MED18: variants seen among roughly 807,000 people sequenced by gnomAD.
MED18 encodes mediator of RNA polymerase II transcription subunit 18.
Under a neutral mutation model 13.9 loss-of-function variants are expected in MED18, and 10 were observed. That is an observed-to-expected ratio of 0.72 (90% confidence interval 0.44 to 1.22). MED18 has a LOEUF of 1.22. MED18 is among the 50% of genes most tolerant of loss of function. The pLI, the probability that MED18 is intolerant of heterozygous loss-of-function variation, is 0.00. For missense variants in MED18, 216 were observed against 279.0 expected (o/e 0.77, Z 1.61); for synonymous variants, 88 against 93.2 (o/e 0.94, Z 0.32).
In MED18 at chr1:28,334,551, C is replaced by G; in HGVS notation, c.208C>G (p.Leu70Val). ...GGGCCAGCAAGCCAGCCCATTTGTT[C>G]TCAGGGCCCGACGCTCTATGGACAG... Reference protein sequence around the residue: ...LKGQQASPFVLRARRSMDRAG... With the variant: ...LKGQQASPFVVRARRSMDRAG... The change falls in exon 3 of 3, where the codon CTC becomes GTC. Residue 70 changes from leucine to valine, a missense_variant. Coordinates refer to ENST00000373842, the MANE Select transcript of MED18 (RefSeq NM_017638.3). 2 of 1,614,140 alleles carry G rather than the reference C, an allele frequency of 1.2e-6. No individual in the cohort carries two copies. The highest frequency in any genetic ancestry group is 1.7e-6 in the Non-Finnish European group (2 of 1,180,024).
At chr1:28,329,941 T>C (rs1297615715) in intron 1 of MED18, among the ~76,000 whole-genome samples, 2 of 152,160 alleles carry the variant, frequency 1.3e-5, no homozygotes, top group Admixed American at 1.3e-4. Flanking sequence ...CTCTTTATTA[T>C]CTCGTTTGAG....
intron 2 of MED18, 164 bp downstream of exon 2, chr1:28,330,899 A>G (rs1649700738): frequency 2.2e-6 from 1 of 458,958 alleles, no homozygotes; most frequent in African/African-American, 2.1e-5. Flanking sequence ...AACATACTAA[A>G]TTTGCCATCT....
intron 1 of MED18, among the ~76,000 whole-genome samples, chr1:28,329,977 C>T (rs1649654219): frequency 1.3e-5 from 2 of 152,020 alleles, no homozygotes; most frequent in African/African-American, 4.8e-5. Flanking sequence ...AGTTAAAAAT[C>T]ACTGGCCTTT....
chr1:28,333,677 T>C (rs1416641389), intron 2 of MED18, among the ~76,000 whole-genome samples: 1 of 152,060 alleles, frequency 6.6e-6, no homozygotes, highest in Admixed American at 6.6e-5. Flanking sequence ...CTGGCCAACA[T>C]GGTGAAACCC....
chr1:28,335,095 G>A lies in MED18; in HGVS notation c.*125G>A. 1 of 908,738 alleles carries A rather than the reference G, an allele frequency of 1.1e-6. No individual in the cohort carries two copies. The highest frequency in any genetic ancestry group is 1.6e-6 in the Non-Finnish European group (1 of 613,934). 56.3% of individuals were successfully genotyped at this position (908,738 alleles called of 1,614,324 possible). A position where few individuals can be genotyped will look rare whatever the true frequency, so the allele number is the denominator to read the frequency against. On this transcript the variant is annotated 3_prime_UTR_variant, in exon 3 of 3. Coordinates refer to ENST00000373842, the MANE Select transcript of MED18 (RefSeq NM_017638.3). ...CTCGCTTTGTTTCCCAGGCTGGAGT[G>A]CAGTGGCACGATCTCGGCTCACTGC...
chr1:28,330,918 CATGGT>C (rs1450265976), intron 2 of MED18, 183 bp downstream of exon 2: 1 of 386,630 alleles, frequency 2.6e-6, no homozygotes, highest in East Asian at 6.6e-5. Context: ...CTTGGCTGGG[CATGGT>C]GGCTCACGCG....
intron 2 of MED18, among the ~76,000 whole-genome samples, chr1:28,332,627 A>G (rs1219520243): frequency 6.6e-6 from 1 of 152,096 alleles, no homozygotes; most frequent in East Asian, 1.9e-4. Flanking sequence ...TCACTCCTGG[A>G]GAGAATGATC....
intron 1 of MED18, among the ~76,000 whole-genome samples, chr1:28,329,720 T>A (rs1486120429): frequency 3.3e-5 from 5 of 152,150 alleles, no homozygotes; most frequent in African/African-American, 1.2e-4. Flanking sequence ...CACTGCAGCC[T>A]GGGCTACAGA....
rs1373239751 is a variant in MED18 at position 28,335,490 on chromosome 1, AG to A, written c.*522del. ...GACAGCCTTTCTATATTAAAGGCTC[AG>A]GATGTCACGGAGAATCTATCTAATC... On this transcript the variant is annotated 3_prime_UTR_variant, in exon 3 of 3. Transcript: ENST00000373842. 6.3e-6 allele frequency: 1 copy of A among 159,970 alleles called. No individual in the cohort carries two copies. The highest frequency in any genetic ancestry group is 1.4e-5 in the Non-Finnish European group (1 of 72,322). The allele number at this position is 159,970 out of a possible 1,614,324, so 9.9% of individuals were successfully genotyped here.
Position 28,330,739 on chromosome 1 carries a change from A to G in MED18, c.73+4A>G, listed in dbSNP as rs766387571. The stretch of plus-strand genomic sequence containing the variant: ...ATGATGGAGTACCTGTTGCAGGGTA[A>G]GTGAACTAGGGAACTTGGATTACCT... On this transcript the variant is annotated splice_donor_region_variant and intron_variant, in intron 2 of 2. Coordinates refer to ENST00000373842, the MANE Select transcript of MED18 (RefSeq NM_017638.3). 2.5e-6 allele frequency: 4 copies of G among 1,591,792 alleles called. No individual in the cohort carries two copies. The African/African-American group carries it at 4.1e-5, about 16-fold the overall frequency.
intron 2 of MED18, 144 bp from the exon 3 acceptor site, chr1:28,334,273 C>T: frequency 2.2e-6 from 2 of 903,288 alleles, no homozygotes; most frequent in East Asian, 2.4e-5. Context: ...AGTGTAATTT[C>T]TGTAAAATCT....
intron 2 of MED18, 159 bp from the exon 3 acceptor site, chr1:28,334,258 T>A: frequency 2.5e-6 from 2 of 809,220 alleles, no homozygotes; most frequent in Non-Finnish European, 3.9e-6. Flanking sequence ...ATACAATACC[T>A]TGGTAGTGTA....
chr1:28,332,787 C>G (rs1427723956), intron 2 of MED18, among the ~76,000 whole-genome samples: 1 of 152,052 alleles, frequency 6.6e-6, no homozygotes, highest in Non-Finnish European at 1.5e-5. Context: ...TTATTATCTG[C>G]CCAATAATTT....
At position 28,334,510 on chromosome 1, in the gene MED18, T is replaced by G. The variant is rs780920840; in HGVS notation, c.167T>G (p.Met56Arg). ...MEPETFLDHE[M>R]VFLLKGQQAS... ...CCTGAGACTTTCCTTGACCATGAGA[T>G]GGTATTCCTCCTTAAGGGCCAGCAA... is the stretch of plus-strand genomic sequence containing the variant. The change falls in exon 3 of 3, where the codon ATG (methionine) becomes AGG (arginine). Residue 56 changes from methionine to arginine, a missense_variant. Transcript: ENST00000373842. 5 of 1,614,162 alleles carry G rather than the reference T, an allele frequency of 3.1e-6. No homozygotes were observed. The highest frequency in any genetic ancestry group is 4.2e-6 in the Non-Finnish European group (5 of 1,180,022).
At chr1:28,333,835 G>A (rs1649828612) in intron 2 of MED18, among the ~76,000 whole-genome samples, 1 of 152,220 alleles carries the variant, frequency 6.6e-6, no homozygotes, top group African/African-American at 2.4e-5. Flanking sequence ...ACTCCAGCCT[G>A]AAGACAGAGC....
At position 28,334,820 on chromosome 1, in the gene MED18, C is replaced by T. The variant is rs1649881576; in HGVS notation, c.477C>T (p.Ser159=). ...TCCTGGTGCCAGGGAACACAGACAG[C>T]ACTGAGGCCTTGTCACTCTCCTATC... ...FRILVPGNTD[S]TEALSLSYLV... is the part of the protein sequence containing the mutation. Residue 159 remains serine, a synonymous_variant, in exon 3 of 3, where the codon AGC becomes AGT. Transcript: ENST00000373842. 1 of 1,614,028 alleles carries T rather than the reference C, an allele frequency of 6.2e-7. No individual in the cohort carries two copies. The highest frequency in any genetic ancestry group is 1.7e-5 in the Admixed American group (1 of 59,968).
chr1:28,331,254 A>G (rs1037710674), intron 2 of MED18, among the ~76,000 whole-genome samples: 1 of 152,070 alleles, frequency 6.6e-6, no homozygotes, highest in Non-Finnish European at 1.5e-5. Flanking sequence ...ATTGTTAAGT[A>G]TATTAACATT....
chr1:28,331,193 CA>C (rs879867932), intron 2 of MED18, among the ~76,000 whole-genome samples: 9,790 of 93,194 alleles, frequency 0.11, 969 homozygotes, highest in African/African-American at 0.31. Context: ...GACTCTGTCT[CA>C]AAAAAAAAAA....
intron 2 of MED18, among the ~76,000 whole-genome samples, chr1:28,332,710 G>A (rs555956018): frequency 2.0e-5 from 3 of 152,262 alleles, no homozygotes; most frequent in East Asian, 1.9e-4. Flanking sequence ...TGTTGACAAC[G>A]GTAAAGATGT....
Sources: allele counts gnomAD v4.1 joint callset (sites outside exome capture counted in the v4.1 genomes callset), GRCh38; gene constraint gnomAD v4.1.1; transcripts MANE v1.5; gene names NCBI Gene and HGNC (gene_info 2026-07-23, HGNC 2026-07-21).